RANBP2: variants seen among roughly 807,000 people sequenced by gnomAD.
RANBP2 encodes RAN binding protein 2, also known as E3 SUMO-protein ligase RanBP2.
A neutral mutation model predicts 303.6 loss-of-function variants in RANBP2; 57 were observed. That is an observed-to-expected ratio of 0.19 (90% CI 0.15 to 0.23). RANBP2 has a LOEUF of 0.23. Among genes scored for constraint, RANBP2 ranks in the 10% least tolerant of loss-of-function variants. RANBP2 has a pLI of 1.00. For synonymous variants in RANBP2, 1,167 were observed against 1,301.5 expected (o/e 0.90, Z 2.23); for missense variants, 3,138 against 3,780.8 (o/e 0.83, Z 4.46).
chr2:108,877,820 A>G, the RANBP2 span, among the ~76,000 whole-genome samples: 1 of 152,268 alleles, frequency 6.6e-6, no homozygotes, highest in Non-Finnish European at 1.5e-5. Flanking sequence ...AAAGGGTTCT[A>G]TAATTAGATG....
the RANBP2 span, among the ~76,000 whole-genome samples, chr2:109,055,366 C>CTT: frequency 0.026 from 3,506 of 133,304 alleles, 115 homozygotes; most frequent in East Asian, 0.094. Context: ...TTTTTCTTTT[C>CTT]TTTTTTTTTT....
the RANBP2 span, among the ~76,000 whole-genome samples, chr2:109,634,024 A>G: frequency 0.22 from 32,574 of 149,222 alleles, 3,949 homozygotes; most frequent in Admixed American, 0.34. Context: ...GGAGGCTGAG[A>G]CAGCAGAATC....
chr2:108,752,991 T>G lies in RANBP2; in HGVS notation c.1756-7T>G, dbSNP rs1676022790. 2 of 1,607,916 alleles carry G rather than the reference T, an allele frequency of 1.2e-6. No individual in the cohort carries two copies. The highest frequency in any genetic ancestry group is 1.7e-6 in the Non-Finnish European group (2 of 1,178,374). On this transcript the variant is annotated splice_region_variant and splice_polypyrimidine_tract_variant and intron_variant, in intron 12 of 28. Transcript: ENST00000283195. Reference sequence around the variant, plus strand: ...TAAAGTTGTGTGCTTTTAACTTTCTTTTTTAGGGCAGCGGTCTTAATTCTT... The same window carrying G: ...TAAAGTTGTGTGCTTTTAACTTTCTGTTTTAGGGCAGCGGTCTTAATTCTT...
the RANBP2 span, among the ~76,000 whole-genome samples, chr2:109,079,571 C>A: frequency 6.6e-6 from 1 of 152,242 alleles, no homozygotes; most frequent in Non-Finnish European, 1.5e-5. Context: ...TAAAAAGGCA[C>A]TGCTTCTGGC....
chr2:108,774,032 A>C (rs1242451975), intron 23 of RANBP2, among the ~76,000 whole-genome samples: 1 of 152,248 alleles, frequency 6.6e-6, no homozygotes. Flanking sequence ...TGATGAATCT[A>C]CATTGACACA....
At chr2:108,959,363 CAGAGA>C in the RANBP2 span, among the ~76,000 whole-genome samples, 1 of 152,214 alleles carries the variant, frequency 6.6e-6, no homozygotes, top group African/African-American at 2.4e-5. Flanking sequence ...AGACATGCAG[CAGAGA>C]AATCAGAGCT....
At chr2:109,447,147 T>TAAAAAAAAAAAAAAAAAAAAAA in the RANBP2 span, among the ~76,000 whole-genome samples, 1 of 82,702 alleles carries the variant, frequency 1.2e-5, no homozygotes. Flanking sequence ...CCTGAATATT[T>TAAAAAAAAAAAAAAAAAAAAAA]AAAAAAAAAA....
At chr2:109,666,274 A>ATGTGGTGCCCATTGTCCAGCG in the RANBP2 span, among the ~76,000 whole-genome samples, 3 of 152,320 alleles carry the variant, frequency 2.0e-5, no homozygotes, top group African/African-American at 7.2e-5. Flanking sequence ...CATACTTAGG[A>ATGTGGTGCCCATTGTCCAGCG]TGTGGTGCCC....
At chr2:109,706,950 C>G in the RANBP2 span, among the ~76,000 whole-genome samples, 1 of 152,076 alleles carries the variant, frequency 6.6e-6, no homozygotes, top group Non-Finnish European at 1.5e-5. Context: ...CCACCAGGGC[C>G]AAGTAATGCC....
the RANBP2 span, among the ~76,000 whole-genome samples, chr2:109,037,485 A>G: frequency 2.0e-5 from 3 of 152,142 alleles, no homozygotes; most frequent in Non-Finnish European, 4.4e-5. Context: ...AGAGAGATAA[A>G]AAGCACAAAG....
chr2:109,198,649 T>C, the RANBP2 span, among the ~76,000 whole-genome samples: 1 of 152,202 alleles, frequency 6.6e-6, no homozygotes, highest in African/African-American at 2.4e-5. Flanking sequence ...ACAGCCAGTG[T>C]CTTGCTCCTC....
the RANBP2 span, among the ~76,000 whole-genome samples, chr2:109,649,491 G>A: frequency 5.2e-4 from 79 of 152,012 alleles, no homozygotes; most frequent in African/African-American, 1.9e-3. Context: ...TCTGCCTCCC[G>A]GGTTCAAGCG....
the RANBP2 span, among the ~76,000 whole-genome samples, chr2:109,222,115 C>T: frequency 2.6e-5 from 4 of 152,000 alleles, no homozygotes; most frequent in African/African-American, 7.3e-5. Context: ...AAATATTGGA[C>T]GATCTCACTC....
chr2:109,063,380 T>G, the RANBP2 span, among the ~76,000 whole-genome samples: 2 of 152,134 alleles, frequency 1.3e-5, no homozygotes, highest in African/African-American at 2.4e-5. Flanking sequence ...CCCTGGGAGA[T>G]CTCGACACAG....
the RANBP2 span, among the ~76,000 whole-genome samples, chr2:109,592,339 C>T: frequency 2.4e-4 from 37 of 152,130 alleles, no homozygotes; most frequent in Admixed American, 7.9e-4. Flanking sequence ...GTGGCACACA[C>T]CTGTAATCCC....
chr2:108,856,911 C>T, the RANBP2 span: 1 of 1,612,950 alleles, frequency 6.2e-7, no homozygotes, highest in Non-Finnish European at 8.5e-7. Flanking sequence ...CTAAGAATAT[C>T]CAGTAAAGGA....
At chr2:109,675,782 C>T in the RANBP2 span, among the ~76,000 whole-genome samples, 4 of 152,232 alleles carry the variant, frequency 2.6e-5, no homozygotes, top group African/African-American at 9.6e-5. Flanking sequence ...CTCGTCCTGC[C>T]ACTCTGCTGA....
the RANBP2 span, among the ~76,000 whole-genome samples, chr2:108,913,642 G>GATAAAAGTGTGGGA: frequency 6.6e-6 from 1 of 152,086 alleles, no homozygotes; most frequent in East Asian, 1.9e-4. Flanking sequence ...TTGTGGGAAG[G>GATAAAAGTGTGGGA]AGGCTGGTGA....
chr2:109,535,386 C>T, the RANBP2 span, among the ~76,000 whole-genome samples: 1 of 152,184 alleles, frequency 6.6e-6, no homozygotes, highest in Non-Finnish European at 1.5e-5. Context: ...CCCTCCCAGT[C>T]ACTATGCCTC....
Sources: allele counts gnomAD v4.1 joint callset (sites outside exome capture counted in the v4.1 genomes callset), GRCh38; gene constraint gnomAD v4.1.1; transcripts MANE v1.5; gene names NCBI Gene and HGNC (gene_info 2026-07-23, HGNC 2026-07-21).